The following UTRN variants were observed in gnomAD, a reference collection of about 807,000 sequenced individuals.
UTRN encodes utrophin, also known as dystrophin-related protein 1.
In UTRN, 283 loss-of-function variants were observed where a neutral mutation model predicts 463.9. The observed-to-expected ratio is 0.61, with a 90% CI of 0.55 to 0.67. UTRN has a LOEUF of 0.67. Ranked by LOEUF, UTRN falls within the 30% of genes least tolerant of loss-of-function variation. The pLI is 0.00. For synonymous variants in UTRN, 1,442 were observed against 1,431.5 expected (o/e 1.01, Z -0.17); for missense variants, 3,922 against 4,084.3 (o/e 0.96, Z 1.08).
At chr6:144,420,357 T>C (rs1244073556) in intron 3 of UTRN, among the ~76,000 whole-genome samples, 1 of 152,176 alleles carries the variant, frequency 6.6e-6, no homozygotes, top group East Asian at 1.9e-4. Context: ...ACAGTGACTT[T>C]TGATTTAAAA....
intron 3 of UTRN, among the ~76,000 whole-genome samples, chr6:144,412,583 A>C (rs756642017): frequency 6.6e-6 from 1 of 151,730 alleles, no homozygotes; most frequent in African/African-American, 2.4e-5. Flanking sequence ...ACAGATGAGG[A>C]GGGAGAGAGA....
Position 144,723,973 on chromosome 6 carries a change from G to A in UTRN, c.7810-6384G>A, listed in dbSNP as rs1304191491. 8.7e-5 allele frequency among the ~76,000 whole-genome samples: 11 copies of A among 126,810 alleles called. No homozygotes were observed. The Admixed American group carries it at 8.7e-4, about 10-fold the overall frequency. 83.2% of individuals were successfully genotyped at this position (126,810 alleles called of 152,430 possible). A position where few individuals can be genotyped will look rare whatever the true frequency, so the allele number is the denominator to read the frequency against. ...TGCAGTGAGCCAAGATCATGCCACT[G>A]CACTCCAGCTTGGGCGACAGAGTGA... On this transcript the variant is annotated intron_variant, in intron 53 of 74. Transcript: ENST00000367545.
chr6:144,641,271 T>C (rs973567476), intron 51 of UTRN, among the ~76,000 whole-genome samples: 2 of 152,130 alleles, frequency 1.3e-5, no homozygotes, highest in African/African-American at 2.4e-5. Context: ...CAACTCAAAA[T>C]GGAGGGACGG....
intron 2 of UTRN, among the ~76,000 whole-genome samples, chr6:144,384,348 T>C (rs752922468): frequency 2.6e-5 from 4 of 152,096 alleles, no homozygotes; most frequent in Admixed American, 6.5e-5. Context: ...TCGATTCTCA[T>C]AGGAGCACGA....
At chr6:144,451,043 C>T (rs934106372) in intron 17 of UTRN, among the ~76,000 whole-genome samples, 11 of 152,008 alleles carry the variant, frequency 7.2e-5, no homozygotes, top group African/African-American at 2.4e-4. Flanking sequence ...AATCTGGAGG[C>T]GGAGGTTGCA....
intron 51 of UTRN, among the ~76,000 whole-genome samples, chr6:144,655,807 T>C (rs1012701316): frequency 6.6e-6 from 1 of 152,254 alleles, no homozygotes; most frequent in South Asian, 2.1e-4. Context: ...AAAGAATCTT[T>C]TATTGCCTTA....
rs1474241413 is a variant in UTRN, at chr6:144,678,542, G to A, written c.7616G>A (p.Arg2539Lys). 1 of 1,612,020 alleles carries A rather than the reference G, an allele frequency of 6.2e-7. No homozygotes were observed. The highest frequency in any genetic ancestry group is 8.5e-7 in the Non-Finnish European group (1 of 1,178,928). ...CATCGACTGGATGATATGAACCAAA[G>A]ATGGAATGACTTAAAAGCAAAATCT... Reference protein sequence around the residue: ...LQHRLDDMNQRWNDLKAKSAS... With the variant: ...LQHRLDDMNQKWNDLKAKSAS... The change falls in exon 52 of 75, where the codon AGA becomes AAA. Residue 2539 changes from arginine to lysine, a missense_variant. By Grantham distance (26) the Arg-to-Lys change is conservative. Around this residue, in one of 3 missense-constraint regions of UTRN, gnomAD observed 1,309 missense variants for 1,452.6 expected, o/e 0.90. Coordinates refer to ENST00000367545, the MANE Select transcript of UTRN (RefSeq NM_007124.3).
chr6:144,589,292 T>C (rs1462217993), intron 51 of UTRN, among the ~76,000 whole-genome samples: 1 of 152,210 alleles, frequency 6.6e-6, no homozygotes, highest in Non-Finnish European at 1.5e-5. Context: ...CTAGTACAGT[T>C]TCCTTACATT....
chr6:144,692,317 ATGT>A (rs757337115), intron 52 of UTRN, among the ~76,000 whole-genome samples: 1 of 152,170 alleles, frequency 6.6e-6, no homozygotes, highest in Non-Finnish European at 1.5e-5. Context: ...AGTTGATTCC[ATGT>A]TGTTGCTATT....
chr6:144,681,035 A>G (rs1325486630), intron 52 of UTRN, among the ~76,000 whole-genome samples: 1 of 152,206 alleles, frequency 6.6e-6, no homozygotes, highest in African/African-American at 2.4e-5. Flanking sequence ...TCCCTCACAC[A>G]GCTACGGAGG....
chr6:144,413,611 C>T (rs924339997), intron 3 of UTRN, among the ~76,000 whole-genome samples: 8 of 151,988 alleles, frequency 5.3e-5, no homozygotes, highest in Admixed American at 2.6e-4. Flanking sequence ...AGCTACAATT[C>T]GAGAGTTGGG....
intron 41 of UTRN, among the ~76,000 whole-genome samples, chr6:144,527,263 T>TC (rs1796649563): frequency 6.6e-6 from 1 of 152,244 alleles, no homozygotes; most frequent in Non-Finnish European, 1.5e-5. Context: ...AAGCTTAGTT[T>TC]CACTGGATAC....
chr6:144,759,090 A>G (rs1319249275), intron 58 of UTRN, among the ~76,000 whole-genome samples: 9 of 152,118 alleles, frequency 5.9e-5, no homozygotes, highest in Non-Finnish European at 1.5e-5. Flanking sequence ...GGTAAAAAAC[A>G]GGTTTGCATA....
chr6:144,681,167 T>C (rs767375631), intron 52 of UTRN, among the ~76,000 whole-genome samples: 9 of 152,104 alleles, frequency 5.9e-5, no homozygotes, highest in Non-Finnish European at 1.0e-4. Flanking sequence ...TGGTGAGACA[T>C]CCAGGAGAAG....
chr6:144,468,058 G>T (rs568623168), intron 23 of UTRN, among the ~76,000 whole-genome samples: 1 of 151,616 alleles, frequency 6.6e-6, no homozygotes, highest in South Asian at 2.1e-4. Flanking sequence ...GTCTTAAAAA[G>T]CTGTGGACAT....
At chr6:144,608,022 T>C (rs1305106084) in intron 51 of UTRN, among the ~76,000 whole-genome samples, 1 of 152,302 alleles carries the variant, frequency 6.6e-6, no homozygotes, top group African/African-American at 2.4e-5. Context: ...TCCACACTAA[T>C]GTGATTGTTA....
At chr6:144,686,143 T>C (rs866822147) in intron 52 of UTRN, among the ~76,000 whole-genome samples, 26 of 152,314 alleles carry the variant, frequency 1.7e-4, no homozygotes, top group Middle Eastern at 3.4e-3. Flanking sequence ...GCATCATTTA[T>C]TGAATAGCAT....
chr6:144,417,548 C>T (rs1344520869), intron 3 of UTRN, among the ~76,000 whole-genome samples: 1 of 152,166 alleles, frequency 6.6e-6, no homozygotes, highest in Non-Finnish European at 1.5e-5. Flanking sequence ...TGCTTGCTAT[C>T]ATTATGTCTA....
At position 144,461,359 on chromosome 6, in the gene UTRN, A is replaced by C. The variant is rs1485584234; in HGVS notation, c.2853+17A>C. 1.3e-6 allele frequency: 2 copies of C among 1,514,698 alleles called. No homozygotes were observed. The highest frequency in any genetic ancestry group is 8.9e-7 in the Non-Finnish European group (1 of 1,126,818). The allele number at this position is 1,514,698 out of a possible 1,614,324, so 93.8% of individuals were successfully genotyped here. On this transcript the variant is annotated intron_variant, in intron 22 of 74. Coordinates refer to ENST00000367545, the MANE Select transcript of UTRN (RefSeq NM_007124.3). The stretch of plus-strand genomic sequence containing the variant: ...GAAAAAAAGGTAACATATATCTTCC[A>C]TGTTAGAACTCTAGCGCTTCTTCTA...
Sources: allele counts gnomAD v4.1 joint callset (sites outside exome capture counted in the v4.1 genomes callset), GRCh38; gene constraint gnomAD v4.1.1; regional missense constraint gnomAD v4.1.1; transcripts MANE v1.5; gene names NCBI Gene and HGNC (gene_info 2026-07-23, HGNC 2026-07-21).